Variants in PLXNA4 observed in about 807,000 individuals in gnomAD.
PLXNA4 encodes the protein plexin-A4.
A neutral mutation model predicts 191.8 loss-of-function variants in PLXNA4; 44 were observed. That is an observed-to-expected ratio of 0.23 (90% CI 0.18 to 0.29). The LOEUF (loss-of-function observed/expected upper bound fraction) is 0.29. Ranked by LOEUF, PLXNA4 falls within the 10% of genes least tolerant of loss-of-function variation. The pLI is 1.00. For missense variants in PLXNA4, 1,800 were observed against 2,488.8 expected, an observed-to-expected ratio of 0.72 and a Z score of 5.89; for synonymous variants, 1,082 against 1,009.5, an observed-to-expected ratio of 1.07 and a Z score of -1.36.
chr7:132,401,088 C>T (rs752879170), intron 3 of PLXNA4, among the ~76,000 whole-genome samples: 1 of 152,158 alleles, frequency 6.6e-6, no homozygotes, highest in Non-Finnish European at 1.5e-5. Flanking sequence ...CATATCTACA[C>T]ATGTGATAAA....
At chr7:132,313,142 G>A (rs1801811768) in intron 3 of PLXNA4, among the ~76,000 whole-genome samples, 1 of 152,076 alleles carries the variant, frequency 6.6e-6, no homozygotes, top group African/African-American at 2.4e-5. Flanking sequence ...CTATACCTAT[G>A]TCCCCATCAC....
At chr7:132,248,192 T>C (rs950052377) in intron 4 of PLXNA4, among the ~76,000 whole-genome samples, 10 of 152,198 alleles carry the variant, frequency 6.6e-5, no homozygotes, top group African/African-American at 2.4e-4. Flanking sequence ...GAAATAGCTG[T>C]TTCCTCTTCA....
chr7:132,160,258 G>A (rs1368090860), intron 24 of PLXNA4, among the ~76,000 whole-genome samples: 2 of 152,158 alleles, frequency 1.3e-5, no homozygotes, highest in Non-Finnish European at 2.9e-5. Context: ...ATAAAAAGAT[G>A]CCCTTTAAAG....
At chr7:132,327,438 C>T (rs1448962916) in intron 3 of PLXNA4, among the ~76,000 whole-genome samples, 1 of 152,140 alleles carries the variant, frequency 6.6e-6, no homozygotes, top group Admixed American at 6.5e-5. Flanking sequence ...ATTATAAAAT[C>T]ATATAACATA....
chr7:132,160,319 C>G (rs2116631130), intron 24 of PLXNA4, among the ~76,000 whole-genome samples: 1 of 152,352 alleles, frequency 6.6e-6, no homozygotes, highest in East Asian at 1.9e-4. Context: ...AATAGGGCCC[C>G]TGTGTTGGGG....
At position 132,211,097 on chromosome 7, in the gene PLXNA4, T is replaced by C. The variant is rs1208902769; in HGVS notation, c.2144A>G (p.Glu715Gly). 1 of 1,584,724 alleles carries C rather than the reference T, an allele frequency of 6.3e-7. No homozygotes were observed. Among genetic ancestry groups the C allele is most frequent in the Non-Finnish European group, 8.6e-7 (1 of 1,165,178 alleles). The change falls in exon 10 of 32, where the codon GAG (glutamate) becomes GGG (glycine). Residue 715 changes from glutamate (E) to glycine (G), a missense_variant. Coordinates refer to ENST00000321063, the MANE Select transcript of PLXNA4 (RefSeq NM_020911.2). Reference sequence around the variant, plus strand: ...CTTCAGCGTGATAGGCTTGATCACCTCCACGGGCACCAGGATCTTGTCCAC... The same window carrying C: ...CTTCAGCGTGATAGGCTTGATCACCCCCACGGGCACCAGGATCTTGTCCAC... ...LRVDKILVPV[E>G]VIKPITLKAK...
intron 1 of PLXNA4, among the ~76,000 whole-genome samples, chr7:132,568,483 G>A (rs1004865307): frequency 6.6e-6 from 1 of 152,140 alleles, no homozygotes; most frequent in Non-Finnish European, 1.5e-5. Flanking sequence ...ACTCTGTTCT[G>A]AAGAACTTTA....
At chr7:132,321,814 G>A (rs966552313) in intron 3 of PLXNA4, among the ~76,000 whole-genome samples, 1 of 152,142 alleles carries the variant, frequency 6.6e-6, no homozygotes, top group Non-Finnish European at 1.5e-5. Flanking sequence ...CCTGTATGCG[G>A]GTGGCCACCC....
At chr7:132,528,334 C>T (rs1356079746) in intron 1 of PLXNA4, among the ~76,000 whole-genome samples, 1 of 152,184 alleles carries the variant, frequency 6.6e-6, no homozygotes, top group Non-Finnish European at 1.5e-5. Flanking sequence ...ATCCATGCTC[C>T]CCCAAGGAGC....
At chr7:132,260,618 C>T (rs1011728887) in intron 4 of PLXNA4, among the ~76,000 whole-genome samples, 7 of 151,408 alleles carry the variant, frequency 4.6e-5, no homozygotes, top group South Asian at 2.1e-4. Flanking sequence ...TTCAGCGACA[C>T]GCGATTTACC....
chr7:132,161,058 G>C (rs1448531862), intron 24 of PLXNA4, among the ~76,000 whole-genome samples: 2 of 152,160 alleles, frequency 1.3e-5, no homozygotes, highest in African/African-American at 4.8e-5. Context: ...CTCCTTCTAA[G>C]AGTCTTCTGG....
intron 3 of PLXNA4, among the ~76,000 whole-genome samples, chr7:132,338,486 A>C (rs1473280874): frequency 3.3e-5 from 5 of 152,272 alleles, no homozygotes; most frequent in East Asian, 1.9e-4. Flanking sequence ...ATATGATGTC[A>C]GTAAAAATGA....
intron 21 of PLXNA4, among the ~76,000 whole-genome samples, chr7:132,172,664 C>A (rs543993926): frequency 6.6e-6 from 1 of 152,066 alleles, no homozygotes; most frequent in South Asian, 2.1e-4. Flanking sequence ...ACATAGCCCC[C>A]GGCTAATGCG....
intron 2 of PLXNA4, among the ~76,000 whole-genome samples, chr7:132,638,836 C>T (rs1416863125): frequency 1.3e-5 from 2 of 152,080 alleles, no homozygotes; most frequent in African/African-American, 2.4e-5. Flanking sequence ...TGTGTCTAGC[C>T]AGAATGTCTT....
intron 3 of PLXNA4, among the ~76,000 whole-genome samples, chr7:132,330,608 A>G (rs1404751613): frequency 3.3e-5 from 5 of 152,234 alleles, no homozygotes; most frequent in Admixed American, 1.3e-4. Flanking sequence ...CCAGGCCCCA[A>G]CTGTGTCTGC....
chr7:132,597,039 A>C (rs1371074024), intron 2 of PLXNA4, among the ~76,000 whole-genome samples: 1 of 152,174 alleles, frequency 6.6e-6, no homozygotes, highest in East Asian at 1.9e-4. Flanking sequence ...TAGTCTGCTA[A>C]AGTCAGCAGC....
chr7:132,418,936 A>G (rs12670529), intron 3 of PLXNA4, among the ~76,000 whole-genome samples: 2 of 152,214 alleles, frequency 1.3e-5, no homozygotes, highest in East Asian at 3.9e-4. Context: ...ATGTTTTTCA[A>G]TTGTATCCGT....
intron 3 of PLXNA4, among the ~76,000 whole-genome samples, chr7:132,460,638 C>A (rs1796473017): frequency 6.6e-6 from 1 of 152,142 alleles, no homozygotes; most frequent in South Asian, 2.1e-4. Context: ...ACCTAGCAGG[C>A]AATATTTAAA....
intron 19 of PLXNA4, 61 bp from the exon 20 acceptor site, chr7:132,179,982 C>A: frequency 6.6e-7 from 1 of 1,518,812 alleles, no homozygotes; most frequent in South Asian, 1.2e-5. Context: ...TGGCAACAGT[C>A]CCAAGTTACC....
Sources: allele counts gnomAD v4.1 joint callset (sites outside exome capture counted in the v4.1 genomes callset), GRCh38; gene constraint gnomAD v4.1.1; transcripts MANE v1.5; gene names NCBI Gene and HGNC (gene_info 2026-07-23, HGNC 2026-07-21).